VPS13B: variants seen among roughly 807,000 people sequenced by gnomAD.
The protein encoded by VPS13B is intermembrane lipid transfer protein VPS13B.
A neutral mutation model predicts 426.4 loss-of-function variants in VPS13B; 285 were observed. That is an observed-to-expected ratio of 0.67 (90% confidence interval 0.61 to 0.74). The LOEUF (loss-of-function observed/expected upper bound fraction) is 0.74, where lower values mean the gene tolerates loss of function less well. Ranked by LOEUF, VPS13B falls within the 30% of genes least tolerant of loss-of-function variation. VPS13B has a pLI of 0.00. For missense variants in VPS13B, 4,537 were observed against 4,782.6 expected (o/e 0.95, Z 1.51); for synonymous variants, 1,676 against 1,676.4 (o/e 1.00, Z 0.01).
chr8:99,698,698 A>G (rs1443373380), intron 35 of VPS13B, among the ~76,000 whole-genome samples: 1 of 152,224 alleles, frequency 6.6e-6, no homozygotes, highest in African/African-American at 2.4e-5. Flanking sequence ...TATGTAAGAC[A>G]CATTGTGCTA....
intron 19 of VPS13B, among the ~76,000 whole-genome samples, chr8:99,343,251 G>A (rs530714099): frequency 2.0e-5 from 3 of 151,732 alleles, no homozygotes; most frequent in Non-Finnish European, 2.9e-5. Flanking sequence ...GCACCACCAT[G>A]CCCAGCTAAT....
At chr8:99,720,769 A>G (rs1231932346) in intron 38 of VPS13B, 94 bp from the exon 39 acceptor site, 19 of 1,291,286 alleles carry the variant, frequency 1.5e-5, no homozygotes, top group Non-Finnish European at 1.8e-5. Context: ...GCTTCTTTAT[A>G]TCTTTTATTC....
At chr8:99,833,523 C>T (rs1369761143) in intron 52 of VPS13B, among the ~76,000 whole-genome samples, 5 of 152,032 alleles carry the variant, frequency 3.3e-5, no homozygotes, top group African/African-American at 1.2e-4. Context: ...TGGTAAGGTT[C>T]TGTTCTCCAC....
intron 34 of VPS13B, among the ~76,000 whole-genome samples, chr8:99,655,476 G>A (rs1224442078): frequency 6.6e-6 from 1 of 152,184 alleles, no homozygotes; most frequent in African/African-American, 2.4e-5. Flanking sequence ...TCTCTTGGCT[G>A]TGGTAGGTGC....
intron 35 of VPS13B, among the ~76,000 whole-genome samples, chr8:99,686,327 G>A (rs1361949888): frequency 6.6e-6 from 1 of 152,128 alleles, no homozygotes; most frequent in Non-Finnish European, 1.5e-5. Flanking sequence ...AGCCAACACA[G>A]CACTGGGCCT....
At chr8:99,710,768 G>A (rs1352452264) in intron 36 of VPS13B, among the ~76,000 whole-genome samples, 1 of 147,610 alleles carries the variant, frequency 6.8e-6, no homozygotes, top group African/African-American at 2.5e-5. Context: ...AAGGTGGGCA[G>A]ATAATGAGGT....
At chr8:99,481,550 A>G (rs1173334644) in intron 24 of VPS13B, 49 bp from the exon 25 acceptor site, 2 of 1,577,780 alleles carry the variant, frequency 1.3e-6, no homozygotes, top group Non-Finnish European at 8.7e-7. Context: ...GTGGATTGAA[A>G]CTGGAAGTTG....
intron 23 of VPS13B, among the ~76,000 whole-genome samples, chr8:99,443,359 T>C (rs945269395): frequency 9.2e-5 from 14 of 152,178 alleles, no homozygotes; most frequent in Non-Finnish European, 2.1e-4. Flanking sequence ...TTCTACATAC[T>C]GTCACTGAAA....
intron 43 of VPS13B, among the ~76,000 whole-genome samples, chr8:99,792,277 GA>G (rs929411043): frequency 6.6e-6 from 1 of 150,588 alleles, no homozygotes; most frequent in African/African-American, 2.4e-5. Flanking sequence ...ATAAGAGTCA[GA>G]AAAAAAAATG....
chr8:99,087,728 A>C (rs1397787765), intron 3 of VPS13B, among the ~76,000 whole-genome samples: 2 of 151,740 alleles, frequency 1.3e-5, no homozygotes, highest in African/African-American at 4.8e-5. Flanking sequence ...GATTATAGGA[A>C]TATGCTACAA....
At chr8:99,235,279 G>A (rs1816577030) in intron 17 of VPS13B, among the ~76,000 whole-genome samples, 1 of 152,138 alleles carries the variant, frequency 6.6e-6, no homozygotes, top group Non-Finnish European at 1.5e-5. Context: ...TGAGTACCAT[G>A]CTATCGTATT....
At chr8:99,776,727 T>C (rs1270994653) in intron 40 of VPS13B, 48 bp from the exon 41 acceptor site, 2 of 1,587,968 alleles carry the variant, frequency 1.3e-6, no homozygotes, top group South Asian at 1.1e-5. Context: ...TCATATAATA[T>C]TGGGAAATTT....
At chr8:99,602,080 A>G (rs1399457577) in intron 33 of VPS13B, among the ~76,000 whole-genome samples, 2 of 152,146 alleles carry the variant, frequency 1.3e-5, no homozygotes, top group African/African-American at 2.4e-5. Context: ...GCCCATGCCT[A>G]TGTCCTGAAT....
intron 19 of VPS13B, among the ~76,000 whole-genome samples, chr8:99,349,482 T>C (rs891807798): frequency 2.6e-5 from 4 of 152,098 alleles, no homozygotes; most frequent in South Asian, 2.1e-4. Context: ...AAAATCACAT[T>C]TAGCACAGTA....
intron 36 of VPS13B, 109 bp from the exon 37 acceptor site, chr8:99,717,062 C>T (rs933407361): frequency 1.1e-5 from 12 of 1,127,330 alleles, no homozygotes; most frequent in Middle Eastern, 2.9e-4. Context: ...CCAAGCAAGA[C>T]GACTCTGACA....
intron 29 of VPS13B, among the ~76,000 whole-genome samples, chr8:99,511,838 A>C (rs1335570583): frequency 1.3e-5 from 2 of 152,174 alleles, no homozygotes. Flanking sequence ...AGAGAACTAA[A>C]ATTTTTTTTA....
intron 21 of VPS13B, among the ~76,000 whole-genome samples, chr8:99,401,517 T>C (rs1588334204): frequency 1.3e-5 from 2 of 152,346 alleles, no homozygotes; most frequent in Admixed American, 1.3e-4. Context: ...CATAGTGTTA[T>C]CTGTGGCCTT....
rs1030242060 is a variant in VPS13B, at chr8:99,632,856, A to G, written c.5221-8955A>G. On this transcript the variant is annotated intron_variant, in intron 33 of 61. Coordinates refer to ENST00000357162, the MANE Select transcript of VPS13B (RefSeq NM_152564.5). ...AATACAAGTTTGCAAATGACTTTCC[A>G]TTCTGTTGGGTCTTGATGGATTTCC... 2.0e-5 allele frequency among the ~76,000 whole-genome samples: 3 copies of G among 152,022 alleles called. 1 individual carries two copies. The highest frequency in any genetic ancestry group is 1.3e-4 in the Admixed American group (2 of 15,222).
At chr8:99,785,287 T>G (rs973140483) in intron 43 of VPS13B, among the ~76,000 whole-genome samples, 1 of 152,156 alleles carries the variant, frequency 6.6e-6, no homozygotes, top group African/African-American at 2.4e-5. Flanking sequence ...TGCTTGTGAT[T>G]AAAAGAAAGT....
Sources: allele counts gnomAD v4.1 joint callset (sites outside exome capture counted in the v4.1 genomes callset), GRCh38; gene constraint gnomAD v4.1.1; transcripts MANE v1.5; gene names NCBI Gene and HGNC (gene_info 2026-07-23, HGNC 2026-07-21).